Variants in C6orf132 observed in about 807,000 individuals in gnomAD.
The protein encoded by C6orf132 is chromosome 6 open reading frame 132.
A neutral mutation model predicts 65.3 loss-of-function variants in C6orf132; 43 were observed. The ratio of observed to expected loss-of-function variants is 0.66; its 90% CI spans 0.52 to 0.85. The LOEUF is 0.85. Ranked by LOEUF, C6orf132 falls within the 40% of genes least tolerant of loss-of-function variation. C6orf132 has a pLI of 0.00. For synonymous variants in C6orf132, 631 were observed against 654.1 expected, an observed-to-expected ratio of 0.96 and a Z score of 0.54; for missense variants, 1,488 against 1,548.8, an observed-to-expected ratio of 0.96 and a Z score of 0.66.
At position 42,106,345 on chromosome 6, in the gene C6orf132, T is replaced by C; in HGVS notation, c.1567A>G (p.Thr523Ala). The change falls in exon 4 of 5, where the codon ACT (threonine) becomes GCT (alanine). Residue 523 changes from threonine to alanine, a missense_variant. Coordinates refer to ENST00000341865, the MANE Select transcript of C6orf132 (RefSeq NM_001164446.3). ...ETLLSLPAKD[T>A]PPGVPEKSLG... ...CTCTTTTCAGGAACACCTGGGGGAG[T>C]GTCCTTTGCTGGCAGGCTCAGGAGA... 6.5e-7 allele frequency: 1 copy of C among 1,535,990 alleles called. No individual in the cohort carries two copies. The highest frequency in any genetic ancestry group is 8.7e-7 in the Non-Finnish European group (1 of 1,146,702).
In C6orf132 at chr6:42,124,613, G is replaced by T. The variant is rs1004106405; in HGVS notation, c.252+4059C>A. Among the ~76,000 whole-genome samples the T allele has an allele frequency of 6.6e-6, 1 of 152,218 alleles. No homozygotes were observed. Among genetic ancestry groups the T allele is most frequent in the African/African-American group, 2.4e-5 (1 of 41,468 alleles). ...GGCCTGGCCGGCTGGGACAGTGTCA[G>T]GCAGGGCTAGGCACCGGCCCAGCTC... On this transcript the variant is annotated intron_variant, in intron 2 of 4. Transcript: ENST00000341865. The surrounding 1 kb of genome is among the most constrained non-coding windows in gnomAD (Gnocchi z 4.0).
In C6orf132 at chr6:42,105,072, T is replaced by G. The variant is rs911585892; in HGVS notation, c.2840A>C (p.Glu947Ala). ...KPEPQAPVAW[E>A]RVAPSNLPQG... ...GGGGAGGTTGGAGGGAGCTACTCTT[T>G]CCCAGGCCACAGGGGCCTGGGGCTC... Residue 947 changes from glutamate to alanine, a missense_variant, in exon 4 of 5, where the codon GAA (glutamate) becomes GCA (alanine). Physicochemically the swap from Glu to Ala is moderately radical, Grantham distance 107. Coordinates refer to ENST00000341865, the MANE Select transcript of C6orf132 (RefSeq NM_001164446.3). 6.5e-7 allele frequency: 1 copy of G among 1,536,614 alleles called. No individual in the cohort carries two copies. Among genetic ancestry groups the G allele is most frequent in the African/African-American group, 1.4e-5 (1 of 72,940 alleles).
Position 42,124,980 on chromosome 6 carries a change from G to C in C6orf132, c.252+3692C>G, listed in dbSNP as rs1312898724. On this transcript the variant is annotated intron_variant, in intron 2 of 4. Coordinates refer to ENST00000341865, the MANE Select transcript of C6orf132 (RefSeq NM_001164446.3). This position sits in a 1 kb window ranked among gnomAD's most constrained non-coding sequence, Gnocchi z 4.0. ...GTTCCTAATCTAAAGGCATATCATG[G>C]GTGGGCTTCAGTCCCCTGCTGAAAT... 2.0e-5 allele frequency among the ~76,000 whole-genome samples: 3 copies of C among 152,162 alleles called. No homozygotes were observed. Among genetic ancestry groups the C allele is most frequent in the African/African-American group, 4.8e-5 (2 of 41,436 alleles).
intron 2 of C6orf132, among the ~76,000 whole-genome samples, chr6:42,121,566 A>C (rs1766684007): frequency 6.6e-6 from 1 of 152,204 alleles, no homozygotes; most frequent in African/African-American, 2.4e-5. Context: ...ACACATCCTC[A>C]TGCCTGGGAT....
intron 1 of C6orf132, among the ~76,000 whole-genome samples, chr6:42,138,850 A>AACACACACACACACACACACACACACAC (rs59373265): frequency 1.4e-4 from 20 of 142,746 alleles, no homozygotes; most frequent in Non-Finnish European, 2.9e-4. Flanking sequence ...CATGCATTTA[A>AACACACACACACACACACACACACACAC]ACACACACAC....
chr6:42,134,145 G>A (rs988670491), intron 1 of C6orf132, among the ~76,000 whole-genome samples: 4 of 152,142 alleles, frequency 2.6e-5, no homozygotes, highest in African/African-American at 9.7e-5. Context: ...TGGCTGGGAC[G>A]GGAGGCAGGA....
chr6:42,125,650 A>G (rs1766752754), intron 2 of C6orf132, among the ~76,000 whole-genome samples: 2 of 152,182 alleles, frequency 1.3e-5, no homozygotes, highest in South Asian at 4.1e-4. Flanking sequence ...TTTAGGGAGA[A>G]GCCCCCATTT....
intron 3 of C6orf132, among the ~76,000 whole-genome samples, chr6:42,109,811 C>T (rs1766468508): frequency 1.3e-5 from 2 of 152,306 alleles, no homozygotes; most frequent in South Asian, 4.1e-4. Context: ...TCATTTACTC[C>T]TCCAAACTGA....
intron 1 of C6orf132, among the ~76,000 whole-genome samples, chr6:42,138,850 A>AACACACACACACACACACACACACAC (rs59373265): frequency 1.6e-4 from 23 of 142,858 alleles, no homozygotes; most frequent in East Asian, 6.3e-4. Context: ...CATGCATTTA[A>AACACACACACACACACACACACACAC]ACACACACAC....
At chr6:42,128,245 T>C (rs923222964) in intron 2 of C6orf132, among the ~76,000 whole-genome samples, 1 of 152,112 alleles carries the variant, frequency 6.6e-6, no homozygotes, top group African/African-American at 2.4e-5. Context: ...CTTTTGAATA[T>C]ACCGGGTTAA....
At position 42,104,064 on chromosome 6, in the gene C6orf132, G is replaced by A. The variant is rs928244015; in HGVS notation, c.3450-186C>T. On this transcript the variant is annotated intron_variant, in intron 4 of 4. Coordinates refer to ENST00000341865, the MANE Select transcript of C6orf132 (RefSeq NM_001164446.3). The surrounding 1 kb of genome is among the most constrained non-coding windows in gnomAD (Gnocchi z 4.1). ...ACAAACAGGGCTCCCATTCTGGTCT[G>A]GGCCCTGCTGGCCGGAGAACATGCC... is the stretch of plus-strand genomic sequence containing the variant. Among the ~76,000 whole-genome samples, 4 of 152,238 alleles carry A rather than the reference G, an allele frequency of 2.6e-5. No homozygotes were observed. The highest frequency in any genetic ancestry group is 3.9e-4 in the East Asian group (2 of 5,194).
intron 2 of C6orf132, among the ~76,000 whole-genome samples, chr6:42,126,183 C>T (rs565793733): frequency 9.9e-5 from 15 of 152,054 alleles, no homozygotes; most frequent in Admixed American, 3.3e-4. Context: ...CAGGTTCAAG[C>T]GATTCTCCTG....
rs947579415 is a variant in C6orf132 at position 42,106,743 on chromosome 6, G to C, written c.1169C>G (p.Pro390Arg). ...AGGGGGCAGGGGAGGGGCTGGAGGC[G>C]GAGTCCCAGCTCGTTCATCTGCTTG... The part of the protein sequence containing the change: ...QSQADERAGT[P>R]PPAPPLPPPA... The change falls in exon 4 of 5, where the codon CCG (proline) becomes CGG (arginine). Residue 390 changes from proline (P) to arginine (R), a missense_variant. Coordinates refer to ENST00000341865, the MANE Select transcript of C6orf132 (RefSeq NM_001164446.3). 6.5e-7 allele frequency: 1 copy of C among 1,528,204 alleles called. No individual in the cohort carries two copies. Among genetic ancestry groups the C allele is most frequent in the Non-Finnish European group, 8.8e-7 (1 of 1,142,192 alleles). 94.7% of individuals were successfully genotyped at this position (1,528,204 alleles called of 1,614,324 possible).
Position 42,140,862 on chromosome 6 carries a change from C to T in C6orf132, c.145+1438G>A, listed in dbSNP as rs537745149. 7.3e-4 allele frequency among the ~76,000 whole-genome samples: 111 copies of T among 152,272 alleles called. 1 individual carries two copies. Among genetic ancestry groups the T allele is most frequent in the African/African-American group, 2.6e-3 (109 of 41,550 alleles). ...ATAAATGGTCTTTCCATGGTGCCTC[C>T]GTTGAGAGGGAAAGAAGTGTCCTGG... On this transcript the variant is annotated intron_variant, in intron 1 of 4. Transcript: ENST00000341865.
intron 1 of C6orf132, among the ~76,000 whole-genome samples, chr6:42,135,283 G>A (rs1174044540): frequency 6.6e-6 from 1 of 152,208 alleles, no homozygotes; most frequent in Admixed American, 6.5e-5. Context: ...CTGGATCAAG[G>A]TTGCCTAGCA....
At chr6:42,114,422 GGGCCCACA>G (rs1490762576) in intron 2 of C6orf132, among the ~76,000 whole-genome samples, 1 of 90,580 alleles carries the variant, frequency 1.1e-5, no homozygotes, top group African/African-American at 5.5e-5. Context: ...TTTCCCACTT[GGGCCCACA>G]TGGGCCCACA....
Position 42,103,880 on chromosome 6 carries a change from T to C in C6orf132, c.3450-2A>G. ...TAGCGGGTGGTGGTGTAGGGAGACC[T>C]GGGGGAGAGCAAGAGATGTGAGGTG... is the stretch of plus-strand genomic sequence containing the variant. On this transcript the variant is annotated splice_acceptor_variant, in intron 4 of 4. Coordinates refer to ENST00000341865, the MANE Select transcript of C6orf132 (RefSeq NM_001164446.3). LOFTEE classifies it high-confidence loss of function. 1 of 1,438,916 alleles carries C rather than the reference T, an allele frequency of 6.9e-7. No individual in the cohort carries two copies. Among genetic ancestry groups the C allele is most frequent in the Non-Finnish European group, 9.1e-7 (1 of 1,097,552 alleles). The allele number at this position is 1,438,916 out of a possible 1,614,324, so 89.1% of individuals were successfully genotyped here.
chr6:42,124,199 G>A lies in C6orf132; in HGVS notation c.252+4473C>T, dbSNP rs1766732379. On this transcript the variant is annotated intron_variant, in intron 2 of 4. Transcript: ENST00000341865. This position sits in a 1 kb window ranked among gnomAD's most constrained non-coding sequence, Gnocchi z 4.0. ...GAGCTGGGACTGGTGTCAGCTGCTG[G>A]AGTATTAGCCCCTGGTCCCATCCCA... Among the ~76,000 whole-genome samples, 2 of 152,214 alleles carry A rather than the reference G, an allele frequency of 1.3e-5. No homozygotes were observed. The highest frequency in any genetic ancestry group is 4.1e-4 in the South Asian group (2 of 4,822).
At chr6:42,131,008 C>G (rs939174597) in intron 1 of C6orf132, among the ~76,000 whole-genome samples, 2 of 152,176 alleles carry the variant, frequency 1.3e-5, no homozygotes, top group African/African-American at 4.8e-5. Context: ...GCCTCAGCCT[C>G]CGAAGTAGTT....
Sources: gnomAD v4.1 joint callset for allele counts (sites outside exome capture counted in the v4.1 genomes callset) on GRCh38, gnomAD v4.1.1 for gene constraint, Gnocchi (gnomAD v3.1) non-coding constraint, MANE v1.5 for transcripts, NCBI Gene and HGNC (gene_info 2026-07-23, HGNC 2026-07-21) for gene names.